The following DPP6 variants were observed in gnomAD, a reference collection of about 807,000 sequenced individuals.
DPP6 encodes the protein dipeptidyl peptidase like 6, also known as A-type potassium channel modulatory protein DPP6.
DPP6 carries 69 observed loss-of-function variants against 122.6 expected under a neutral mutation model. The observed-to-expected ratio is 0.56, with a 90% CI of 0.46 to 0.69. The LOEUF is 0.69. Among genes scored for constraint, DPP6 ranks in the 30% least tolerant of loss-of-function variants. DPP6 has a pLI of 0.00. For synonymous variants in DPP6, 418 were observed against 433.1 expected, an observed-to-expected ratio of 0.97 and a Z score of 0.43; for missense variants, 928 against 1,116.9, an observed-to-expected ratio of 0.83 and a Z score of 2.41.
At position 154,830,118 on chromosome 7, in the gene DPP6, G is replaced by A. The variant is rs1800517523; in HGVS notation, c.1666+23006G>A. 2.0e-5 allele frequency among the ~76,000 whole-genome samples: 3 copies of A among 152,194 alleles called. No homozygotes were observed. The South Asian group carries it at 6.2e-4, about 32-fold the overall frequency. On this transcript the variant is annotated intron_variant, in intron 16 of 25. Transcript: ENST00000377770. ...TCCTGAGCAAGTATTAAGTGATCTT[G>A]ATGATTTTTTTGAGTCTTCCAGCTA...
intron 1 of DPP6, among the ~76,000 whole-genome samples, chr7:154,146,436 G>A (rs1265746959): frequency 6.6e-6 from 1 of 151,012 alleles, no homozygotes; most frequent in African/African-American, 2.4e-5. Context: ...TTTAAAGATT[G>A]CTTTAGCTGG....
chr7:154,886,295 G>A (rs944090437), intron 22 of DPP6, among the ~76,000 whole-genome samples: 1 of 152,232 alleles, frequency 6.6e-6, no homozygotes, highest in Non-Finnish European at 1.5e-5. Flanking sequence ...GTCAGCACCT[G>A]TCCTCAGAGA....
rs201876925 is a variant in DPP6 at position 154,608,168 on chromosome 7, A to G, written c.628-29653A>G. Among the ~76,000 whole-genome samples, 269 of 148,458 alleles carry G rather than the reference A, an allele frequency of 1.8e-3. 2 individuals are homozygous for G. The highest frequency in any genetic ancestry group is 6.3e-3 in the African/African-American group (254 of 40,348). ...CTAATTTTTTGTATTTTTAATAGAG[A>G]TGGGGTTTCCCTGTGTTAGCCAGGA... is the stretch of plus-strand genomic sequence containing the variant. On this transcript the variant is annotated intron_variant, in intron 5 of 25. Transcript: ENST00000377770.
intron 1 of DPP6, among the ~76,000 whole-genome samples, chr7:153,927,516 T>G (rs968341515): frequency 6.6e-6 from 1 of 152,206 alleles, no homozygotes; most frequent in African/African-American, 2.4e-5. Context: ...CCATGGCTTC[T>G]ACTTCAGTGA....
At chr7:154,571,256 T>C (rs1831091551) in intron 5 of DPP6, among the ~76,000 whole-genome samples, 1 of 152,212 alleles carries the variant, frequency 6.6e-6, no homozygotes, top group African/African-American at 2.4e-5. Flanking sequence ...TATTGAGATA[T>C]ATTTGACAAA....
intron 1 of DPP6, among the ~76,000 whole-genome samples, chr7:154,243,778 A>G (rs545525886): frequency 6.6e-6 from 1 of 152,166 alleles, no homozygotes; most frequent in East Asian, 1.9e-4. Flanking sequence ...CCTGGGCGAC[A>G]GTGCAAGACT....
chr7:154,686,837 T>C (rs1206833538), intron 7 of DPP6, among the ~76,000 whole-genome samples: 1 of 152,118 alleles, frequency 6.6e-6, no homozygotes, highest in African/African-American at 2.4e-5. Flanking sequence ...ATTTTATGAA[T>C]AAAGAGTAAT....
At chr7:153,801,394 T>G in the DPP6 span, among the ~76,000 whole-genome samples, 1 of 152,028 alleles carries the variant, frequency 6.6e-6, no homozygotes, top group African/African-American at 2.4e-5. Flanking sequence ...CATTACCCTA[T>G]GGGTTCTTTC....
In DPP6 at chr7:153,938,063, A is replaced by T. The variant is rs138527090; in HGVS notation, c.51+50329A>T. On this transcript the variant is annotated intron_variant, in intron 1 of 25. Transcript: ENST00000404039. ...GGCAAGAAGCTCCTTCCTGCAGTGTATTACATCCTATTCAGAGTCCCTTTC... is the reference window on the plus strand; with the variant it reads ...GGCAAGAAGCTCCTTCCTGCAGTGTTTTACATCCTATTCAGAGTCCCTTTC... Among the ~76,000 whole-genome samples the T allele has an allele frequency of 7.7e-4, 118 of 152,272 alleles. 1 individual carries two copies. The East Asian group carries it at 0.017, about 22-fold the overall frequency.
At chr7:154,244,789 A>G (rs1053702860) in intron 1 of DPP6, among the ~76,000 whole-genome samples, 2 of 152,144 alleles carry the variant, frequency 1.3e-5, no homozygotes, top group African/African-American at 4.8e-5. Context: ...CAAGAGGAAT[A>G]GAGAAATAGA....
chr7:154,499,975 A>C (rs1563766113), intron 3 of DPP6, among the ~76,000 whole-genome samples: 1 of 152,188 alleles, frequency 6.6e-6, no homozygotes, highest in Non-Finnish European at 1.5e-5. Flanking sequence ...AGGCACAAAC[A>C]TCTAAGGGCC....
At chr7:154,354,754 A>G (rs902399829) in intron 1 of DPP6, among the ~76,000 whole-genome samples, 4 of 152,222 alleles carry the variant, frequency 2.6e-5, no homozygotes, top group African/African-American at 9.6e-5. Context: ...GTTTTGTTTT[A>G]GGAATGTAGC....
At chr7:153,989,793 G>C (rs1797062167) in intron 1 of DPP6, among the ~76,000 whole-genome samples, 1 of 151,940 alleles carries the variant, frequency 6.6e-6, no homozygotes, top group South Asian at 2.1e-4. Context: ...ATGAGAGAGC[G>C]TGGACCACTG....
At chr7:154,422,216 A>G (rs1201630165) in intron 1 of DPP6, among the ~76,000 whole-genome samples, 1 of 152,174 alleles carries the variant, frequency 6.6e-6, no homozygotes. Context: ...AACCTAACTA[A>G]AAGCTGGAGC....
At chr7:154,568,253 A>C (rs1404599237) in intron 5 of DPP6, among the ~76,000 whole-genome samples, 1 of 152,220 alleles carries the variant, frequency 6.6e-6, no homozygotes, top group East Asian at 1.9e-4. Context: ...TACAATCTCC[A>C]CACCTGTATA....
At chr7:154,174,004 G>A (rs751758948) in intron 1 of DPP6, among the ~76,000 whole-genome samples, 1 of 152,208 alleles carries the variant, frequency 6.6e-6, no homozygotes, top group African/African-American at 2.4e-5. Context: ...TGGGTGTCTT[G>A]CTTAAGGGGA....
chr7:153,992,797 C>T (rs947317417), intron 1 of DPP6, among the ~76,000 whole-genome samples: 2 of 152,182 alleles, frequency 1.3e-5, no homozygotes, highest in African/African-American at 4.8e-5. Flanking sequence ...AAGCTCTAAA[C>T]GTTTTTGTTT....
chr7:154,885,808 G>C lies in DPP6; in HGVS notation c.2245+64G>C, dbSNP rs931316154. ...CCGCCCCGCCCCGCCCCCTGCCTGCGTGGCCCCACAGCCCTCCCTTCAGCA... is the reference window on the plus strand; with the variant it reads ...CCGCCCCGCCCCGCCCCCTGCCTGCCTGGCCCCACAGCCCTCCCTTCAGCA... On this transcript the variant is annotated intron_variant, in intron 22 of 25. Coordinates refer to ENST00000377770, the MANE Select transcript of DPP6 (RefSeq NM_130797.4). 66 of 1,533,516 alleles carry C rather than the reference G, an allele frequency of 4.3e-5. No homozygotes were observed. In the African/African-American group the frequency reaches 8.9e-4, roughly 21 times the overall value. 95.0% of individuals were successfully genotyped at this position (1,533,516 alleles called of 1,614,324 possible). A position where few individuals can be genotyped will look rare whatever the true frequency, so the allele number is the denominator to read the frequency against.
At chr7:154,398,614 TTCTC>T (rs113385356) in intron 1 of DPP6, among the ~76,000 whole-genome samples, 1 of 151,624 alleles carries the variant, frequency 6.6e-6, no homozygotes, top group East Asian at 1.9e-4. Context: ...CCTTCATATT[TTCTC>T]TCTCTCTCTC....
Sources: gnomAD v4.1 joint callset for allele counts (sites outside exome capture counted in the v4.1 genomes callset) on GRCh38, gnomAD v4.1.1 for gene constraint, MANE v1.5 for transcripts, NCBI Gene and HGNC (gene_info 2026-07-23, HGNC 2026-07-21) for gene names.